SYTL5: variants seen among roughly 807,000 people sequenced by gnomAD.
The protein encoded by SYTL5 is synaptotagmin like 5, also known as synaptotagmin-like protein 5.
Under a neutral mutation model 55.9 loss-of-function variants are expected in SYTL5, and 34 were observed. That is an observed-to-expected ratio of 0.61 (90% CI 0.46 to 0.81). The LOEUF (loss-of-function observed/expected upper bound fraction) is 0.81, where lower values mean the gene tolerates loss of function less well. Ranked by LOEUF, SYTL5 falls within the 30% of genes least tolerant of loss-of-function variation. The pLI is 0.00. For missense variants in SYTL5, 637 were observed against 546.7 expected (o/e 1.17, Z -1.65); for synonymous variants, 221 against 188.7 (o/e 1.17, Z -1.40).
chrX:38,012,746 A>C (rs1934227439), intron 1 of SYTL5, among the ~76,000 whole-genome samples: 1 of 111,826 alleles, frequency 8.9e-6, no homozygotes, highest in Non-Finnish European at 1.9e-5. Flanking sequence ...TCAGTATATG[A>C]TTAAAATTTT....
At chrX:38,040,812 T>C (rs1165016965) in intron 2 of SYTL5, among the ~76,000 whole-genome samples, 1 of 112,025 alleles carries the variant, frequency 8.9e-6, no homozygotes, top group Non-Finnish European at 1.9e-5. Context: ...TATACTGGCT[T>C]CCTTTTTTTG....
the SYTL5 span, among the ~76,000 whole-genome samples, chrX:37,905,951 TG>T: frequency 8.9e-6 from 1 of 112,570 alleles, no homozygotes; most frequent in Non-Finnish European, 1.9e-5. Context: ...TGGTACTTGC[TG>T]GGGGTGGGGA....
intron 11 of SYTL5, among the ~76,000 whole-genome samples, chrX:38,108,338 A>C (rs1479383494): frequency 2.7e-5 from 3 of 111,630 alleles, no homozygotes; most frequent in African/African-American, 9.8e-5. Flanking sequence ...GAGGTCACCA[A>C]ATCTCTGAGG....
chrX:38,090,236 G>A (rs1216576953), intron 7 of SYTL5, among the ~76,000 whole-genome samples: 1 of 112,137 alleles, frequency 8.9e-6, no homozygotes, highest in African/African-American at 3.2e-5. Context: ...CATAGGTTGA[G>A]TGCACAAATT....
intron 3 of SYTL5, among the ~76,000 whole-genome samples, chrX:38,066,666 A>G (rs543701749): frequency 9.0e-6 from 1 of 111,339 alleles, no homozygotes. Context: ...ACGCACACAC[A>G]CACCCCACAA....
chrX:38,066,912 G>T (rs1416583124), intron 3 of SYTL5, among the ~76,000 whole-genome samples: 2 of 111,534 alleles, frequency 1.8e-5, no homozygotes, highest in East Asian at 2.8e-4. Context: ...AATTGGTAAT[G>T]GTAATAGATA....
Position 38,043,661 on chromosome X carries a change from G to GTATATATATATATATATA in SYTL5, c.119+9666_119+9683dup, listed in dbSNP as rs35312093. Among the ~76,000 whole-genome samples, 144 of 50,098 alleles carry GTATATATATATATATATA rather than the reference G, an allele frequency of 2.9e-3. 5 individuals are homozygous for GTATATATATATATATATA. Among genetic ancestry groups the GTATATATATATATATATA allele is most frequent in the East Asian group, 0.014 (17 of 1,226 alleles). 43.5% of individuals were successfully genotyped at this position (50,098 alleles called of 115,157 possible). ...CTGTAACTTTTATGTATGTATGTAT[G>GTATATATATATATATATA]TATATATATATATATATATATATAT... is the stretch of plus-strand genomic sequence containing the variant. On this transcript the variant is annotated intron_variant, in intron 2 of 16. Coordinates refer to ENST00000297875, the MANE Select transcript of SYTL5 (RefSeq NM_138780.3).
chrX:37,910,199 G>A, the SYTL5 span, among the ~76,000 whole-genome samples: 2 of 111,677 alleles, frequency 1.8e-5, no homozygotes, highest in African/African-American at 6.5e-5. Flanking sequence ...CTGGAGGCAG[G>A]AAGTCCAAGA....
At position 38,128,203 on chromosome X, in the gene SYTL5, G is replaced by A. The variant is rs1937709604; in HGVS notation, c.*1473G>A. The A allele has an allele frequency of 8.9e-6, 1 of 112,474 alleles. No homozygotes were observed. Among genetic ancestry groups the A allele is most frequent in the African/African-American group, 3.2e-5 (1 of 30,985 alleles). The allele number at this position is 112,474 out of a possible 1,213,427, so 9.3% of individuals were successfully genotyped here. A position where few individuals can be genotyped will look rare whatever the true frequency, so the allele number is the denominator to read the frequency against. Reference sequence around the variant, plus strand: ...AGATTCCAAATGTGAATTTCAGAGAGCTGAGATAACTTGCCCAAGGCCATA... The same window carrying A: ...AGATTCCAAATGTGAATTTCAGAGAACTGAGATAACTTGCCCAAGGCCATA... On this transcript the variant is annotated 3_prime_UTR_variant, in exon 17 of 17. Transcript: ENST00000297875.
chrX:37,897,184 A>G, the SYTL5 span, among the ~76,000 whole-genome samples: 1 of 112,060 alleles, frequency 8.9e-6, no homozygotes, highest in African/African-American at 3.2e-5. Context: ...CTGGAGCACT[A>G]TAAAAGATGA....
rs188050742 is a variant in SYTL5, at chrX:38,040,103, G to A, written c.119+6095G>A. ...GCAGGAGAATCGCTTGAACCTGGGA[G>A]GTGGAGGTTGCAGTGAGCCGAGGTC... On this transcript the variant is annotated intron_variant, in intron 2 of 16. Coordinates refer to ENST00000297875, the MANE Select transcript of SYTL5 (RefSeq NM_138780.3). Among the ~76,000 whole-genome samples the A allele has an allele frequency of 8.2e-5, 9 of 110,421 alleles. No individual in the cohort carries two copies. The East Asian group carries it at 2.3e-3, about 28-fold the overall frequency.
At chrX:37,893,363 C>A in the SYTL5 span, among the ~76,000 whole-genome samples, 1 of 97,799 alleles carries the variant, frequency 1.0e-5, no homozygotes, top group African/African-American at 3.7e-5. Context: ...ACATACTACA[C>A]TATATAGTAT....
At chrX:37,950,498 T>C in the SYTL5 span, among the ~76,000 whole-genome samples, 1 of 111,805 alleles carries the variant, frequency 8.9e-6, no homozygotes, top group African/African-American at 3.2e-5. Context: ...ATATCTTTAT[T>C]TACTTTTACT....
the SYTL5 span, among the ~76,000 whole-genome samples, chrX:37,894,492 G>A: frequency 3.6e-5 from 4 of 111,575 alleles, no homozygotes; most frequent in African/African-American, 1.3e-4. Flanking sequence ...TGTTAAACTG[G>A]ATAATAGAAA....
chrX:38,074,774 A>T (rs1198648101), intron 5 of SYTL5, among the ~76,000 whole-genome samples: 2 of 111,622 alleles, frequency 1.8e-5, no homozygotes, highest in African/African-American at 6.5e-5. Context: ...AAGATAGCCT[A>T]GAGTATCCTG....
the SYTL5 span, chrX:37,949,538 T>C: frequency 8.9e-6 from 1 of 112,048 alleles, no homozygotes; most frequent in Non-Finnish European, 1.9e-5. Flanking sequence ...CATTAGTGCT[T>C]CCACCTTAAT....
intron 7 of SYTL5, among the ~76,000 whole-genome samples, chrX:38,090,872 T>C (rs1192456047): frequency 2.7e-5 from 3 of 112,260 alleles, no homozygotes; most frequent in African/African-American, 9.7e-5. Context: ...ACAGCCAGTG[T>C]GGAGCCCCTG....
At chrX:38,068,932 T>G (rs1269565773) in intron 3 of SYTL5, among the ~76,000 whole-genome samples, 2 of 111,840 alleles carry the variant, frequency 1.8e-5, no homozygotes, top group African/African-American at 6.5e-5. Flanking sequence ...TTGAAATTAT[T>G]TTTTAGAAGA....
intron 13 of SYTL5, among the ~76,000 whole-genome samples, chrX:38,116,056 G>A (rs749904874): frequency 9.0e-6 from 1 of 111,363 alleles, no homozygotes; most frequent in Non-Finnish European, 1.9e-5. Flanking sequence ...TTTCCTAGTC[G>A]TTTTACAGTT....
Sources: gnomAD v4.1 joint callset for allele counts (sites outside exome capture counted in the v4.1 genomes callset) on GRCh38, gnomAD v4.1.1 for gene constraint, MANE v1.5 for transcripts, NCBI Gene and HGNC (gene_info 2026-07-23, HGNC 2026-07-21) for gene names.